Variants in ANO3 observed in about 807,000 individuals in gnomAD.
The protein encoded by ANO3 is anoctamin-3.
ANO3 carries 99 observed loss-of-function variants against 144.8 expected under a neutral mutation model. The observed-to-expected ratio is 0.68, with a 90% CI of 0.58 to 0.81. The LOEUF is 0.81. Among genes scored for constraint, ANO3 ranks in the 30% least tolerant of loss-of-function variants. The pLI, the probability that ANO3 is intolerant of heterozygous loss-of-function variation, is 0.00. For synonymous variants in ANO3, 414 were observed against 392.6 expected (o/e 1.05, Z -0.64); for missense variants, 905 against 1,202.2 (o/e 0.75, Z 3.66).
intron 1 of ANO3, among the ~76,000 whole-genome samples, chr11:26,273,491 G>A (rs1853491600): frequency 6.6e-6 from 1 of 152,052 alleles, no homozygotes; most frequent in Non-Finnish European, 1.5e-5. Flanking sequence ...TGTCATTGTT[G>A]TTACAGGACA....
At chr11:26,463,449 A>G (rs147081999) in intron 4 of ANO3, among the ~76,000 whole-genome samples, 124 of 152,026 alleles carry the variant, frequency 8.2e-4, no homozygotes, top group African/African-American at 2.8e-3. Context: ...CTTAATGAGA[A>G]CATGGATTTT....
chr11:26,373,254 G>A (rs532403930), intron 1 of ANO3, among the ~76,000 whole-genome samples: 62 of 152,178 alleles, frequency 4.1e-4, no homozygotes, highest in Non-Finnish European at 7.1e-4. Flanking sequence ...CCTACATGTC[G>A]AGGGAGGAAC....
At chr11:26,393,648 G>C (rs887466535) in intron 1 of ANO3, among the ~76,000 whole-genome samples, 16 of 152,108 alleles carry the variant, frequency 1.1e-4, no homozygotes, top group Non-Finnish European at 2.1e-4. Flanking sequence ...AACATTTGCT[G>C]CTTTAGTTTT....
chr11:26,624,040 C>T (rs1181901192), intron 17 of ANO3, among the ~76,000 whole-genome samples: 2 of 152,166 alleles, frequency 1.3e-5, no homozygotes, highest in Non-Finnish European at 2.9e-5. Flanking sequence ...CCCGCCTAGG[C>T]CTCCCAAAGT....
At chr11:26,532,770 A>G (rs1849406783) in intron 8 of ANO3, among the ~76,000 whole-genome samples, 1 of 151,400 alleles carries the variant, frequency 6.6e-6, no homozygotes, top group Non-Finnish European at 1.5e-5. Context: ...AAACACCACC[A>G]CCTCCAAGAG....
At chr11:26,378,927 G>T (rs970502575) in intron 1 of ANO3, among the ~76,000 whole-genome samples, 2 of 148,306 alleles carry the variant, frequency 1.3e-5, no homozygotes, top group Non-Finnish European at 3.0e-5. Flanking sequence ...TTAAAGAACA[G>T]TCTCATTGGA....
At chr11:26,643,437 T>A in intron 23 of ANO3, 103 bp downstream of exon 23, 1 of 1,420,512 alleles carries the variant, frequency 7.0e-7, no homozygotes, top group Non-Finnish European at 9.6e-7. Flanking sequence ...ATTGCCAGTG[T>A]CATAGTATTA....
intron 4 of ANO3, among the ~76,000 whole-genome samples, chr11:26,481,580 T>C (rs1860219711): frequency 6.6e-6 from 1 of 152,212 alleles, no homozygotes; most frequent in Admixed American, 6.5e-5. Flanking sequence ...CTTGCACAGC[T>C]AAATAAATGG....
intron 1 of ANO3, among the ~76,000 whole-genome samples, chr11:26,315,024 T>G (rs1459640294): frequency 6.6e-6 from 1 of 152,116 alleles, no homozygotes; most frequent in African/African-American, 2.4e-5. Flanking sequence ...GTTTTATGAG[T>G]AAATATTATT....
chr11:26,241,867 G>A (rs1202987509), intron 1 of ANO3, among the ~76,000 whole-genome samples: 4 of 151,976 alleles, frequency 2.6e-5, no homozygotes, highest in African/African-American at 9.7e-5. Context: ...CTGAATCCAG[G>A]GTCCAAACTT....
At chr11:26,410,190 C>G (rs968225316) in intron 1 of ANO3, among the ~76,000 whole-genome samples, 1 of 151,880 alleles carries the variant, frequency 6.6e-6, no homozygotes, top group Non-Finnish European at 1.5e-5. Flanking sequence ...TTCCAAGTAT[C>G]GTAGTGGCTT....
chr11:26,283,201 T>G (rs1365699823), intron 1 of ANO3, among the ~76,000 whole-genome samples: 1 of 150,988 alleles, frequency 6.6e-6, no homozygotes, highest in Admixed American at 6.6e-5. Context: ...ACAAGGTATA[T>G]GATGTCATTG....
chr11:26,305,384 C>T (rs138175081), upstream of ANO3, among the ~76,000 whole-genome samples: 53 of 152,072 alleles, frequency 3.5e-4, no homozygotes, highest in East Asian at 9.9e-3. Context: ...TTCAAGATGA[C>T]ATGTAGCTCC....
chr11:26,586,314 C>T (rs1030099285), intron 14 of ANO3, among the ~76,000 whole-genome samples: 1 of 150,668 alleles, frequency 6.6e-6, no homozygotes, highest in Non-Finnish European at 1.5e-5. Flanking sequence ...CAGTTCTCAC[C>T]CCTGATTTTA....
At chr11:26,255,866 T>C (rs1296410555) in intron 1 of ANO3, among the ~76,000 whole-genome samples, 1 of 152,156 alleles carries the variant, frequency 6.6e-6, no homozygotes, top group African/African-American at 2.4e-5. Flanking sequence ...CAGCAGATGC[T>C]AGAGGGAATC....
intron 4 of ANO3, among the ~76,000 whole-genome samples, chr11:26,479,905 G>A (rs1242384775): frequency 1.3e-5 from 2 of 152,090 alleles, no homozygotes; most frequent in Non-Finnish European, 2.9e-5. Flanking sequence ...TGCAACATTA[G>A]GAAAATAAAA....
At chr11:26,624,441 A>C (rs369243903) in intron 17 of ANO3, 21 bp from the exon 18 acceptor site, 31 of 1,568,478 alleles carry the variant, frequency 2.0e-5, no homozygotes, top group African/African-American at 4.1e-5. Flanking sequence ...AATGTTCACT[A>C]TGTATTCTCT....
intron 24 of ANO3, among the ~76,000 whole-genome samples, chr11:26,655,072 G>C (rs1166599689): frequency 1.3e-5 from 2 of 152,062 alleles, no homozygotes; most frequent in African/African-American, 2.4e-5. Flanking sequence ...ATTTGTAGAA[G>C]GCCTTTTTCT....
intron 1 of ANO3, among the ~76,000 whole-genome samples, chr11:26,381,630 G>T (rs147782257): frequency 6.6e-6 from 1 of 152,158 alleles, no homozygotes; most frequent in Admixed American, 6.6e-5. Flanking sequence ...GGCATATAAT[G>T]TTTGTTGACT....
Sources: gnomAD v4.1 joint callset for allele counts (sites outside exome capture counted in the v4.1 genomes callset) on GRCh38, gnomAD v4.1.1 for gene constraint, MANE v1.5 for transcripts, NCBI Gene and HGNC (gene_info 2026-07-23, HGNC 2026-07-21) for gene names.